ADAMTS18: variants seen among roughly 807,000 people sequenced by gnomAD.
The protein encoded by ADAMTS18 is A disintegrin and metalloproteinase with thrombospondin motifs 18.
ADAMTS18 carries 157 observed loss-of-function variants against 165.9 expected under a neutral mutation model. The ratio of observed to expected loss-of-function variants is 0.95; its 90% CI spans 0.83 to 1.08. The LOEUF (loss-of-function observed/expected upper bound fraction) is 1.08. ADAMTS18 is among the 50% of genes least tolerant of loss of function. The pLI is 0.00. For missense variants in ADAMTS18, 2,040 were observed against 1,534.0 expected (o/e 1.33, Z -5.51); for synonymous variants, 782 against 578.2 (o/e 1.35, Z -5.06).
chr16:77,383,604 C>T (rs545901295), intron 3 of ADAMTS18, among the ~76,000 whole-genome samples: 23 of 152,068 alleles, frequency 1.5e-4, no homozygotes, highest in African/African-American at 3.9e-4. Context: ...ATTGCAGTGG[C>T]GCAATCTCAG....
chr16:77,318,182 T>C (rs752902916), intron 16 of ADAMTS18, among the ~76,000 whole-genome samples: 4 of 152,228 alleles, frequency 2.6e-5, no homozygotes, highest in African/African-American at 4.8e-5. Context: ...ATGTCAGTAT[T>C]GGTCAAAATA....
At chr16:77,364,756 A>AAGAAAAG (rs760471319) in intron 4 of ADAMTS18, among the ~76,000 whole-genome samples, 1 of 148,068 alleles carries the variant, frequency 6.8e-6, no homozygotes, top group African/African-American at 2.5e-5. Context: ...AAAGAAAAGA[A>AAGAAAAG]GAAAGAAAAG....
chr16:77,298,018 G>C (rs554985797), intron 17 of ADAMTS18, among the ~76,000 whole-genome samples: 97 of 141,550 alleles, frequency 6.9e-4, no homozygotes, highest in Non-Finnish European at 1.0e-3. Context: ...TCTGCCTCCC[G>C]GGTTCAAGCG....
intron 3 of ADAMTS18, among the ~76,000 whole-genome samples, chr16:77,381,927 C>T (rs1469049291): frequency 6.6e-6 from 1 of 152,168 alleles, no homozygotes; most frequent in Non-Finnish European, 1.5e-5. Flanking sequence ...CCAGACATAC[C>T]TGGCTCAATT....
At chr16:77,402,017 T>G (rs1597229830) in intron 3 of ADAMTS18, among the ~76,000 whole-genome samples, 1 of 152,108 alleles carries the variant, frequency 6.6e-6, no homozygotes, top group Non-Finnish European at 1.5e-5. Context: ...TCTTTTCTGG[T>G]TCTCTAGTTT....
intron 3 of ADAMTS18, among the ~76,000 whole-genome samples, chr16:77,424,101 G>A (rs2057639917): frequency 6.6e-6 from 1 of 152,186 alleles, no homozygotes; most frequent in African/African-American, 2.4e-5. Flanking sequence ...CCAAGGCCCA[G>A]AGACATGAAG....
In ADAMTS18 at chr16:77,406,223, C is replaced by T. The variant is rs570948628; in HGVS notation, c.495+25072G>A. On this transcript the variant is annotated intron_variant, in intron 3 of 22. Coordinates refer to ENST00000282849, the MANE Select transcript of ADAMTS18 (RefSeq NM_199355.4). ...AAAGCTGGCTTAACATTTGGAAAAC[C>T]AATCCATTTACTGAGGAAAAAAAGA... 7.9e-5 allele frequency among the ~76,000 whole-genome samples: 12 copies of T among 152,014 alleles called. No individual in the cohort carries two copies. The South Asian group carries it at 2.3e-3, about 29-fold the overall frequency.
chr16:77,363,645 A>G (rs2056748384), intron 6 of ADAMTS18, among the ~76,000 whole-genome samples, 157 bp downstream of exon 6: 1 of 152,062 alleles, frequency 6.6e-6, no homozygotes, highest in Non-Finnish European at 1.5e-5. Flanking sequence ...TTGTGTGATT[A>G]CACAATCTTT....
intron 16 of ADAMTS18, among the ~76,000 whole-genome samples, chr16:77,315,668 C>G (rs1023228366): frequency 3.9e-5 from 6 of 152,204 alleles, no homozygotes; most frequent in Admixed American, 2.6e-4. Context: ...CAAGGCTCAA[C>G]ATTTCTTCAC....
At chr16:77,360,764 A>C (rs1397542243) in intron 7 of ADAMTS18, among the ~76,000 whole-genome samples, 1 of 152,222 alleles carries the variant, frequency 6.6e-6, no homozygotes, top group Non-Finnish European at 1.5e-5. Context: ...CATAACAGAG[A>C]AACTGCAGAG....
rs117412673 is a variant in ADAMTS18 at position 77,379,707 on chromosome 16, T to A, written c.496-11984A>T. ...GGTTTTAGCATGTTGGCCAGGGTGA[T>A]CTCAAATTCCTGACCTCAAGTAATC... On this transcript the variant is annotated intron_variant, in intron 3 of 22. Coordinates refer to ENST00000282849, the MANE Select transcript of ADAMTS18 (RefSeq NM_199355.4). Among the ~76,000 whole-genome samples, 1,245 of 152,190 alleles carry A rather than the reference T, an allele frequency of 8.2e-3. 9 individuals are homozygous for A. Among genetic ancestry groups the A allele is most frequent in the Middle Eastern group, 0.017 (5 of 294 alleles).
At chr16:77,358,448 G>A (rs1380996019) in intron 8 of ADAMTS18, among the ~76,000 whole-genome samples, 1 of 152,090 alleles carries the variant, frequency 6.6e-6, no homozygotes, top group Non-Finnish European at 1.5e-5. Flanking sequence ...GGTAATCCCA[G>A]CTACTCAGGA....
In ADAMTS18 at chr16:77,394,659, A is replaced by G. The variant is rs76406722; in HGVS notation, c.496-26936T>C. Among the ~76,000 whole-genome samples, 581 of 152,344 alleles carry G rather than the reference A, an allele frequency of 3.8e-3. 4 individuals are homozygous for G. Among genetic ancestry groups the G allele is most frequent in the African/African-American group, 0.013 (520 of 41,584 alleles). On this transcript the variant is annotated intron_variant, in intron 3 of 22. Coordinates refer to ENST00000282849, the MANE Select transcript of ADAMTS18 (RefSeq NM_199355.4). ...AAATTACTTTTTGAATAAGAATAAA[A>G]TAGCGTTCTCACCCAAAATTTGACT...
chr16:77,284,151 C>T (rs1453390208), intron 22 of ADAMTS18, 80 bp from the exon 23 acceptor site: 60 of 899,252 alleles, frequency 6.7e-5, no homozygotes, highest in Non-Finnish European at 9.8e-5. Flanking sequence ...GATGGAGTCT[C>T]ACTCTGTTAC....
chr16:77,362,854 A>G (rs369432695), intron 6 of ADAMTS18, among the ~76,000 whole-genome samples: 4 of 152,316 alleles, frequency 2.6e-5, no homozygotes, highest in East Asian at 3.9e-4. Flanking sequence ...TTTAATTATC[A>G]GTTAATTAGG....
rs912231640 is a variant in ADAMTS18 at position 77,434,793 on chromosome 16, C to G, written c.-98G>C. On this transcript the variant is annotated 5_prime_UTR_variant, in exon 1 of 23. Coordinates refer to ENST00000282849, the MANE Select transcript of ADAMTS18 (RefSeq NM_199355.4). ...TCCGCGGCCCCGGAGCTCGGCGCCCCAGGTGCGGCTCCAGGTGAGAGCCGC... is the reference window on the plus strand; with the variant it reads ...TCCGCGGCCCCGGAGCTCGGCGCCCGAGGTGCGGCTCCAGGTGAGAGCCGC... 2.8e-6 allele frequency: 3 copies of G among 1,076,550 alleles called. No homozygotes were observed. The highest frequency in any genetic ancestry group is 4.2e-5 in the Admixed American group (1 of 23,746). The allele number at this position is 1,076,550 out of a possible 1,614,324, so 66.7% of individuals were successfully genotyped here.
chr16:77,431,676 C>T, intron 2 of ADAMTS18, 65 bp from the exon 3 acceptor site: 1 of 1,546,868 alleles, frequency 6.5e-7, no homozygotes, highest in Non-Finnish European at 8.9e-7. Flanking sequence ...CTCTTTCCAG[C>T]AAGCTGGCAA....
At chr16:77,430,823 C>T (rs531278581) in intron 3 of ADAMTS18, among the ~76,000 whole-genome samples, 2 of 152,296 alleles carry the variant, frequency 1.3e-5, no homozygotes, top group South Asian at 2.1e-4. Context: ...GAGCAGGACA[C>T]CAGCAACAGA....
At position 77,299,264 on chromosome 16, in the gene ADAMTS18, A is replaced by T. The variant is rs1404156152; in HGVS notation, c.2674+999T>A. Among the ~76,000 whole-genome samples the T allele has an allele frequency of 2.0e-5, 3 of 152,348 alleles. No homozygotes were observed. In the East Asian group the frequency reaches 5.8e-4, roughly 29 times the overall value. On this transcript the variant is annotated intron_variant, in intron 17 of 22. Coordinates refer to ENST00000282849, the MANE Select transcript of ADAMTS18 (RefSeq NM_199355.4). ...AACAAATGATATAGATCAAAATATT[A>T]ACATTGGCTATTGCCTGTTTACAAA...
Sources: allele counts gnomAD v4.1 joint callset (sites outside exome capture counted in the v4.1 genomes callset), GRCh38; gene constraint gnomAD v4.1.1; transcripts MANE v1.5; gene names NCBI Gene and HGNC (gene_info 2026-07-23, HGNC 2026-07-21).